Variants in TAFA2 observed in about 807,000 individuals in gnomAD.
TAFA2 encodes the protein chemokine-like protein TAFA-2.
In TAFA2, 7 loss-of-function variants were observed where a neutral mutation model predicts 18.8. The observed-to-expected ratio is 0.37, with a 90% CI of 0.21 to 0.70. The LOEUF is 0.70. Among genes scored for constraint, TAFA2 ranks in the 30% least tolerant of loss-of-function variants. The pLI is 0.53. For missense variants in TAFA2, 122 were observed against 158.1 expected (o/e 0.77, Z 1.23); for synonymous variants, 60 against 54.2 (o/e 1.11, Z -0.47).
chr12:62,053,412 A>T lies in TAFA2; in HGVS notation c.-2+137847T>A, dbSNP rs557304097. ...CTTTATGCATATAAAAAAAGAAAAGACCCTAAATACAAAAACTAACATAGA... is the reference window on the plus strand; with the variant it reads ...CTTTATGCATATAAAAAAAGAAAAGTCCCTAAATACAAAAACTAACATAGA... On this transcript the variant is annotated intron_variant, in intron 1 of 4. Coordinates refer to ENST00000416284, the MANE Select transcript of TAFA2 (RefSeq NM_178539.5). Among the ~76,000 whole-genome samples, 22 of 152,276 alleles carry T rather than the reference A, an allele frequency of 1.4e-4. No individual in the cohort carries two copies. In the South Asian group the frequency reaches 4.3e-3, roughly 30 times the overall value.
chr12:61,891,910 G>A (rs73129646), intron 1 of TAFA2, among the ~76,000 whole-genome samples: 13,454 of 151,974 alleles, frequency 0.089, 907 homozygotes, highest in Non-Finnish European at 0.13. Flanking sequence ...TGAAAGTGGA[G>A]AGGGCTTTGA....
chr12:61,959,013 T>C (rs1878792122), intron 1 of TAFA2, among the ~76,000 whole-genome samples: 1 of 152,050 alleles, frequency 6.6e-6, no homozygotes, highest in African/African-American at 2.4e-5. Context: ...ATGAATTCAT[T>C]ATATTTATCA....
intron 1 of TAFA2, among the ~76,000 whole-genome samples, chr12:61,961,411 T>A (rs1176884084): frequency 6.6e-6 from 1 of 152,034 alleles, no homozygotes; most frequent in Non-Finnish European, 1.5e-5. Context: ...ATAGCTGTGG[T>A]CATTTTTGCA....
intron 2 of TAFA2, among the ~76,000 whole-genome samples, chr12:61,848,658 A>G (rs939922436): frequency 6.6e-6 from 1 of 151,892 alleles, no homozygotes; most frequent in Non-Finnish European, 1.5e-5. Flanking sequence ...CATCTATTTT[A>G]TTGAACACTG....
chr12:61,782,736 T>C (rs1870558858), intron 2 of TAFA2, among the ~76,000 whole-genome samples: 1 of 151,758 alleles, frequency 6.6e-6, no homozygotes, highest in Non-Finnish European at 1.5e-5. Context: ...ACTTTTTCCA[T>C]CCTTTTATTA....
At chr12:61,921,894 T>C (rs1877069367) in intron 1 of TAFA2, among the ~76,000 whole-genome samples, 2 of 152,130 alleles carry the variant, frequency 1.3e-5, no homozygotes, top group African/African-American at 4.8e-5. Flanking sequence ...AACGAGGTGG[T>C]ACAAAAATTG....
intron 1 of TAFA2, among the ~76,000 whole-genome samples, chr12:61,959,708 A>G (rs11833809): frequency 0.022 from 3,373 of 152,190 alleles, 106 homozygotes; most frequent in African/African-American, 0.077. Context: ...ATCTACTCTG[A>G]GATATCAAAT....
chr12:62,205,111 C>T (rs186771679), intron 1 of TAFA2, among the ~76,000 whole-genome samples: 2 of 152,298 alleles, frequency 1.3e-5, no homozygotes, highest in African/African-American at 4.8e-5. Flanking sequence ...TGCTGGGGGT[C>T]TACTCAAGAC....
intron 1 of TAFA2, among the ~76,000 whole-genome samples, chr12:61,987,986 C>G (rs1236845793): frequency 6.6e-6 from 1 of 152,144 alleles, no homozygotes; most frequent in African/African-American, 2.4e-5. Context: ...ATGAATTATT[C>G]TTCAATTAAT....
chr12:62,012,979 G>A (rs954562354), intron 1 of TAFA2, among the ~76,000 whole-genome samples: 10 of 152,050 alleles, frequency 6.6e-5, no homozygotes, highest in African/African-American at 2.4e-4. Flanking sequence ...TTATTAAAAT[G>A]CTGGAAATTA....
intron 1 of TAFA2, among the ~76,000 whole-genome samples, chr12:61,897,584 T>TA (rs34291459): frequency 0.55 from 82,757 of 151,788 alleles, 23,890 homozygotes; most frequent in African/African-American, 0.74. Context: ...CCAACACTTA[T>TA]AAAATCATCA....
rs80195457 is a variant in TAFA2 at position 61,970,668 on chromosome 12, G to T, written c.-1-103242C>A. Among the ~76,000 whole-genome samples, 1,458 of 151,446 alleles carry T rather than the reference G, an allele frequency of 9.6e-3. 36 individuals carry two copies. Among genetic ancestry groups the T allele is most frequent in the African/African-American group, 0.033 (1,371 of 41,414 alleles). Reference sequence around the variant, plus strand: ...TGATATAACAGAAGAACTGTTTTTAGATAATTGACTAGTTAACAAACATGC... The same window carrying T: ...TGATATAACAGAAGAACTGTTTTTATATAATTGACTAGTTAACAAACATGC... On this transcript the variant is annotated intron_variant, in intron 1 of 4. Coordinates refer to ENST00000416284, the MANE Select transcript of TAFA2 (RefSeq NM_178539.5).
At chr12:62,032,658 C>G (rs1881490601) in intron 1 of TAFA2, among the ~76,000 whole-genome samples, 1 of 150,802 alleles carries the variant, frequency 6.6e-6, no homozygotes, top group African/African-American at 2.4e-5. Flanking sequence ...TCATATAAGA[C>G]TTCTTGATGC....
At chr12:61,913,608 G>A (rs1876700259) in intron 1 of TAFA2, among the ~76,000 whole-genome samples, 1 of 152,196 alleles carries the variant, frequency 6.6e-6, no homozygotes, top group South Asian at 2.1e-4. Flanking sequence ...GAAACAAGTA[G>A]ATAGGGATCA....
At chr12:62,205,003 GT>G (rs2062685992) in intron 1 of TAFA2, among the ~76,000 whole-genome samples, 1 of 152,174 alleles carries the variant, frequency 6.6e-6, no homozygotes, top group African/African-American at 2.4e-5. Flanking sequence ...CTTTGGATGG[GT>G]TTTTATGGGG....
At chr12:61,942,232 AGCTGAGGGTCCT>A (rs1336424395) in intron 1 of TAFA2, among the ~76,000 whole-genome samples, 1 of 142,452 alleles carries the variant, frequency 7.0e-6, no homozygotes, top group Non-Finnish European at 1.5e-5. Context: ...ACAGACCTGC[AGCTGAGGGTCCT>A]GTCTGTTAGA....
At chr12:62,036,115 G>A (rs1438841622) in intron 1 of TAFA2, among the ~76,000 whole-genome samples, 1 of 151,944 alleles carries the variant, frequency 6.6e-6, no homozygotes, top group African/African-American at 2.4e-5. Flanking sequence ...CACCCACTAG[G>A]TGCCAATAGA....
At chr12:61,884,808 T>C (rs1875300918) in intron 1 of TAFA2, among the ~76,000 whole-genome samples, 1 of 152,098 alleles carries the variant, frequency 6.6e-6, no homozygotes, top group Non-Finnish European at 1.5e-5. Context: ...GAAGAATAAT[T>C]TGAGGGAGAG....
chr12:61,937,963 AC>A (rs1403895725), intron 1 of TAFA2, among the ~76,000 whole-genome samples: 1 of 152,086 alleles, frequency 6.6e-6, no homozygotes, highest in African/African-American at 2.4e-5. Flanking sequence ...AAGAAAAAAA[AC>A]AAATAATCCC....
Sources: gnomAD v4.1 joint callset for allele counts (sites outside exome capture counted in the v4.1 genomes callset) on GRCh38, gnomAD v4.1.1 for gene constraint, MANE v1.5 for transcripts, NCBI Gene and HGNC (gene_info 2026-07-23, HGNC 2026-07-21) for gene names.